IDE: variants seen among roughly 807,000 people sequenced by gnomAD.
The protein encoded by IDE is insulin degrading enzyme.
Under a neutral mutation model 133.2 loss-of-function variants are expected in IDE, and 58 were observed. That is an observed-to-expected ratio of 0.44 (90% CI 0.35 to 0.54). IDE has a LOEUF of 0.54. IDE is among the 20% of genes least tolerant of loss of function. The probability of loss-of-function intolerance (pLI) is 0.00; values close to 1 mark genes in which losing one functional copy is unlikely to be tolerated. For missense variants in IDE, 981 were observed against 1,234.0 expected, an observed-to-expected ratio of 0.79 and a Z score of 3.07; for synonymous variants, 396 against 421.3, an observed-to-expected ratio of 0.94 and a Z score of 0.73.
Position 92,456,445 on chromosome 10 carries a change from A to G in IDE, c.2824-14T>C. 2 of 1,598,566 alleles carry G rather than the reference A, an allele frequency of 1.3e-6. No individual in the cohort carries two copies. The highest frequency in any genetic ancestry group is 2.2e-5 in the South Asian group (2 of 90,786). On this transcript the variant is annotated splice_polypyrimidine_tract_variant and intron_variant, in intron 22 of 24. Transcript: ENST00000265986. ...TGCCAACATTTCCTAGGCACAAAGAAGAGCAGGGTCACCCTTTTGCTCCAC... is the reference window on the plus strand; with the variant it reads ...TGCCAACATTTCCTAGGCACAAAGAGGAGCAGGGTCACCCTTTTGCTCCAC...
chr10:92,524,003 T>C (rs918904522), intron 4 of IDE, among the ~76,000 whole-genome samples: 6 of 151,802 alleles, frequency 4.0e-5, no homozygotes, highest in Admixed American at 1.3e-4. Flanking sequence ...TTTAATTCCA[T>C]TGAGAGGCAA....
intron 14 of IDE, 127 bp downstream of exon 14, chr10:92,483,128 C>G (rs1171812002): frequency 1.7e-6 from 1 of 603,020 alleles, no homozygotes; most frequent in Non-Finnish European, 2.9e-6. Context: ...TCAGCCTCTC[C>G]TTTTCTAGGT....
chr10:92,545,060 G>C (rs190896411), intron 1 of IDE, among the ~76,000 whole-genome samples: 35 of 152,176 alleles, frequency 2.3e-4, no homozygotes, highest in Admixed American at 2.0e-4. Context: ...TTTTTTTAAA[G>C]TCAGCAAACT....
At chr10:92,556,992 A>T (rs547877771) in intron 1 of IDE, among the ~76,000 whole-genome samples, 42 of 152,252 alleles carry the variant, frequency 2.8e-4, no homozygotes, top group Admixed American at 2.6e-3. Context: ...TTAAATGGAA[A>T]GACTCCCATG....
intron 1 of IDE, among the ~76,000 whole-genome samples, chr10:92,543,410 A>C (rs1009422264): frequency 1.3e-5 from 2 of 152,222 alleles, no homozygotes; most frequent in Non-Finnish European, 2.9e-5. Flanking sequence ...ACATGAACTA[A>C]AAAATAACAA....
intron 5 of IDE, among the ~76,000 whole-genome samples, chr10:92,510,454 C>A (rs933147005): frequency 6.6e-6 from 1 of 151,998 alleles, no homozygotes; most frequent in East Asian, 1.9e-4. Context: ...GAACTACTAG[C>A]AGATAGAGTA....
At chr10:92,460,427 G>C (rs1315817303) in intron 22 of IDE, among the ~76,000 whole-genome samples, 1 of 152,078 alleles carries the variant, frequency 6.6e-6, no homozygotes, top group Non-Finnish European at 1.5e-5. Context: ...GAGTAGGGTG[G>C]AGAACAGAGA....
At chr10:92,563,768 GAAAAA>G (rs1257810905) in intron 1 of IDE, among the ~76,000 whole-genome samples, 3 of 149,920 alleles carry the variant, frequency 2.0e-5, no homozygotes, top group Non-Finnish European at 4.5e-5. Flanking sequence ...AAAAAAGAAA[GAAAAA>G]AAGAAAAGAA....
intron 14 of IDE, 114 bp from the exon 15 acceptor site, chr10:92,479,535 T>C (rs1366247547): frequency 1.3e-6 from 1 of 794,896 alleles, no homozygotes; most frequent in Admixed American, 2.5e-5. Context: ...CCTGAGGATA[T>C]GGTTGAATTC....
intron 22 of IDE, among the ~76,000 whole-genome samples, chr10:92,458,242 A>C (rs1242133512): frequency 1.3e-5 from 2 of 152,326 alleles, no homozygotes; most frequent in East Asian, 3.9e-4. Flanking sequence ...TGCATGGTGA[A>C]ATCAGTTTAG....
At chr10:92,476,057 G>C in intron 15 of IDE, 63 bp from the exon 16 acceptor site, 1 of 704,148 alleles carries the variant, frequency 1.4e-6, no homozygotes, top group Admixed American at 3.0e-5. Context: ...CCAAATAAAC[G>C]ACTTGATTTT....
chr10:92,570,842 A>G (rs1843746054), intron 1 of IDE, among the ~76,000 whole-genome samples: 1 of 151,722 alleles, frequency 6.6e-6, no homozygotes, highest in Non-Finnish European at 1.5e-5. Flanking sequence ...CTTGAACCCA[A>G]GAGATGAAGG....
chr10:92,478,721 T>C, intron 15 of IDE: 1 of 1,283,166 alleles, frequency 7.8e-7, no homozygotes, highest in Non-Finnish European at 1.0e-6. Context: ...CTCTTTTAAA[T>C]CATCCTTCAA....
intron 19 of IDE, among the ~76,000 whole-genome samples, chr10:92,466,216 G>A (rs1845673867): frequency 8.5e-6 from 1 of 117,540 alleles, no homozygotes; most frequent in African/African-American, 3.5e-5. Context: ...AAGACACAGA[G>A]TGAGACCCTG....
chr10:92,539,501 C>T (rs1306220159), intron 1 of IDE, among the ~76,000 whole-genome samples: 1 of 152,084 alleles, frequency 6.6e-6, no homozygotes, highest in Non-Finnish European at 1.5e-5. Context: ...CACGGTGGCT[C>T]GCGCCTGTAA....
At chr10:92,514,840 T>C (rs1307382067) in intron 5 of IDE, 80 bp downstream of exon 5, 3 of 1,155,522 alleles carry the variant, frequency 2.6e-6, no homozygotes, top group Non-Finnish European at 2.5e-6. Context: ...CTATCTTATA[T>C]CCATCTTCTA....
At chr10:92,476,125 T>C (rs1846238688) in intron 15 of IDE, 131 bp from the exon 16 acceptor site, 2 of 617,884 alleles carry the variant, frequency 3.2e-6, no homozygotes, top group East Asian at 2.9e-5. Context: ...TTCAATTTAA[T>C]GTGTCATAAA....
intron 1 of IDE, among the ~76,000 whole-genome samples, chr10:92,552,316 A>C (rs1259087393): frequency 6.6e-6 from 1 of 152,260 alleles, no homozygotes; most frequent in Non-Finnish European, 1.5e-5. Context: ...GTAGAAAATG[A>C]AATCCAGTGT....
At chr10:92,496,514 G>C (rs1847710148) in intron 11 of IDE, among the ~76,000 whole-genome samples, 1 of 152,196 alleles carries the variant, frequency 6.6e-6, no homozygotes, top group African/African-American at 2.4e-5. Flanking sequence ...AGCCAGGTGT[G>C]GTGGCTCATG....
Sources: allele counts gnomAD v4.1 joint callset (sites outside exome capture counted in the v4.1 genomes callset), GRCh38; gene constraint gnomAD v4.1.1; transcripts MANE v1.5; gene names NCBI Gene and HGNC (gene_info 2026-07-23, HGNC 2026-07-21).